Variants in COL4A1 observed in about 807,000 individuals in gnomAD.
The protein encoded by COL4A1 is collagen alpha-1(IV) chain.
A neutral mutation model predicts 216.6 loss-of-function variants in COL4A1; 40 were observed. That is an observed-to-expected ratio of 0.18 (90% confidence interval 0.14 to 0.24). The LOEUF (loss-of-function observed/expected upper bound fraction) is 0.24. COL4A1 is among the 10% of genes least tolerant of loss of function. COL4A1 has a pLI of 1.00. For synonymous variants in COL4A1, 839 were observed against 810.7 expected, an observed-to-expected ratio of 1.03 and a Z score of -0.59; for missense variants, 1,628 against 2,196.8, an observed-to-expected ratio of 0.74 and a Z score of 5.18.
chr13:110,305,379 T>C (rs551244451), intron 1 of COL4A1, among the ~76,000 whole-genome samples: 17 of 152,404 alleles, frequency 1.1e-4, no homozygotes, highest in African/African-American at 3.8e-4. Flanking sequence ...TGGTTCTTTC[T>C]TTCTACAGTC....
chr13:110,230,578 CG>C (rs895999272), intron 2 of COL4A1, among the ~76,000 whole-genome samples: 27 of 152,014 alleles, frequency 1.8e-4, no homozygotes, highest in Non-Finnish European at 3.7e-4. Flanking sequence ...TCTAAGACCA[CG>C]GGGAGCCTCC....
At chr13:110,181,143 C>T in intron 29 of COL4A1, 149 bp downstream of exon 29, 1 of 692,300 alleles carries the variant, frequency 1.4e-6, no homozygotes, top group East Asian at 2.7e-5. Flanking sequence ...GTGCTACGTT[C>T]TCTGATACTT....
At chr13:110,165,068 G>A (rs1027841855) in intron 45 of COL4A1, 78 bp from the exon 46 acceptor site, 35 of 1,556,878 alleles carry the variant, frequency 2.2e-5, no homozygotes, top group South Asian at 6.0e-5. Context: ...GGAGAATCCC[G>A]GGTGAAGCTA....
At chr13:110,190,399 G>C (rs1878576242) in intron 24 of COL4A1, among the ~76,000 whole-genome samples, 1 of 152,156 alleles carries the variant, frequency 6.6e-6, no homozygotes, top group East Asian at 1.9e-4. Context: ...GTCAGGGAGT[G>C]TTGGTTTCAA....
At chr13:110,274,346 C>G (rs1414417257) in intron 1 of COL4A1, among the ~76,000 whole-genome samples, 2 of 152,162 alleles carry the variant, frequency 1.3e-5, no homozygotes, top group African/African-American at 4.8e-5. Flanking sequence ...TTTAGGAAGC[C>G]CCCTTTCCCA....
chr13:110,282,927 C>T (rs1020367214), intron 1 of COL4A1, among the ~76,000 whole-genome samples: 1 of 152,224 alleles, frequency 6.6e-6, no homozygotes, highest in Non-Finnish European at 1.5e-5. Context: ...CCTCTCCAAT[C>T]TTCCTGCATG....
intron 1 of COL4A1, among the ~76,000 whole-genome samples, chr13:110,267,667 T>C (rs542442709): frequency 7.9e-5 from 12 of 152,292 alleles, no homozygotes; most frequent in Non-Finnish European, 1.3e-4. Flanking sequence ...AACTGATCTA[T>C]AGCTGGAAAC....
intron 24 of COL4A1, among the ~76,000 whole-genome samples, chr13:110,188,891 T>C (rs898838453): frequency 3.9e-5 from 6 of 152,178 alleles, no homozygotes; most frequent in African/African-American, 1.4e-4. Context: ...CACGATGCAC[T>C]GACTCCTGGC....
intron 1 of COL4A1, among the ~76,000 whole-genome samples, chr13:110,257,211 T>C (rs1307817955): frequency 6.6e-6 from 1 of 152,154 alleles, no homozygotes; most frequent in Non-Finnish European, 1.5e-5. Flanking sequence ...AACTCAAACA[T>C]AATGTAAATA....
chr13:110,166,139 T>A, intron 45 of COL4A1, 93 bp downstream of exon 45: 1 of 819,294 alleles, frequency 1.2e-6, no homozygotes, highest in Non-Finnish European at 2.2e-6. Flanking sequence ...ATTTCACATA[T>A]GAAAAACCAA....
intron 1 of COL4A1, among the ~76,000 whole-genome samples, chr13:110,245,050 C>T (rs151258556): frequency 2.2e-3 from 336 of 152,194 alleles, no homozygotes; most frequent in African/African-American, 7.6e-3. Context: ...CCAGTGGCAC[C>T]GCGCACCTCA....
At chr13:110,277,955 A>C (rs959216223) in intron 1 of COL4A1, among the ~76,000 whole-genome samples, 13 of 152,194 alleles carry the variant, frequency 8.5e-5, no homozygotes, top group African/African-American at 3.1e-4. Flanking sequence ...GCCTTTGATG[A>C]AAGTTTCTAA....
intron 2 of COL4A1, among the ~76,000 whole-genome samples, chr13:110,219,955 T>C (rs1167389868): frequency 6.9e-5 from 4 of 58,352 alleles, no homozygotes; most frequent in African/African-American, 1.9e-4. Context: ...TATATACACA[T>C]ACATACATAT....
At chr13:110,171,867 G>A (rs961037547) in intron 41 of COL4A1, among the ~76,000 whole-genome samples, 2 of 152,248 alleles carry the variant, frequency 1.3e-5, no homozygotes, top group African/African-American at 4.8e-5. Flanking sequence ...GATTCTGTGA[G>A]TTAAGGGAGA....
At chr13:110,266,350 C>T (rs1346168606) in intron 1 of COL4A1, among the ~76,000 whole-genome samples, 1 of 152,172 alleles carries the variant, frequency 6.6e-6, no homozygotes, top group Non-Finnish European at 1.5e-5. Flanking sequence ...TCACAACCCG[C>T]CTGGAGTAGT....
chr13:110,201,301 C>CGGAGGAAGAGACGGAGGGGGA, intron 19 of COL4A1, 137 bp downstream of exon 19: 1 of 425,880 alleles, frequency 2.3e-6, no homozygotes, highest in Non-Finnish European at 4.1e-6. Context: ...AAGGAGGGGG[C>CGGAGGAAGAGACGGAGGGGGA]GGAGGAAGAG....
chr13:110,155,327 G>A lies in COL4A1; in HGVS notation c.4711C>T (p.Pro1571Ser), dbSNP rs760910929. 3 of 1,614,060 alleles carry A rather than the reference G, an allele frequency of 1.9e-6. No homozygotes were observed. The African/African-American group carries it at 4.0e-5, about 22-fold the overall frequency. Residue 1571 changes from proline (P) to serine (S), a missense_variant, in exon 50 of 52, where the codon CCC (proline) becomes TCC (serine). Physicochemically the swap from Pro to Ser is moderately conservative, Grantham distance 74. Transcript: ENST00000375820. ...HSQTIQIPPC[P>S]SGWSSLWIGY... ...ATCCACAGCGAGGACCACCCGCTGG[G>A]GCACGGTGGGATCTGAATGGTCTGG...
At position 110,206,862 on chromosome 13, in the gene COL4A1, G is replaced by A. The variant is rs192723236; in HGVS notation, c.807+3C>T. 1.8e-4 allele frequency: 297 copies of A among 1,613,862 alleles called. 1 individual carries two copies. In the East Asian group the frequency reaches 6.3e-3, roughly 34 times the overall value. On this transcript the variant is annotated splice_donor_region_variant and intron_variant, in intron 14 of 51. Coordinates refer to ENST00000375820, the MANE Select transcript of COL4A1 (RefSeq NM_001845.6). The stretch of plus-strand genomic sequence containing the variant: ...AAATGATAGGCAGAAACTGAGTACT[G>A]ACCTGAAATCCAGGTTCACCTTTTT...
intron 1 of COL4A1, among the ~76,000 whole-genome samples, chr13:110,266,930 C>A (rs1042427417): frequency 6.6e-6 from 1 of 151,790 alleles, no homozygotes; most frequent in African/African-American, 2.4e-5. Flanking sequence ...AATTTTTAAT[C>A]GAAAAAATGT....
Sources: gnomAD v4.1 joint callset for allele counts (sites outside exome capture counted in the v4.1 genomes callset) on GRCh38, gnomAD v4.1.1 for gene constraint, MANE v1.5 for transcripts, NCBI Gene and HGNC (gene_info 2026-07-23, HGNC 2026-07-21) for gene names.